UNC5D: variants seen among roughly 807,000 people sequenced by gnomAD.
The protein encoded by UNC5D is unc-5 netrin receptor D.
Under a neutral mutation model 105.4 loss-of-function variants are expected in UNC5D, and 39 were observed. The observed-to-expected ratio is 0.37, with a 90% confidence interval of 0.29 to 0.48. The LOEUF (loss-of-function observed/expected upper bound fraction) is 0.48. UNC5D is among the 20% of genes least tolerant of loss of function. The pLI, the probability that UNC5D is intolerant of heterozygous loss-of-function variation, is 0.98. For synonymous variants in UNC5D, 452 were observed against 450.4 expected, an observed-to-expected ratio of 1.00 and a Z score of -0.04; for missense variants, 991 against 1,202.4, an observed-to-expected ratio of 0.82 and a Z score of 2.60.
At chr8:35,504,144 C>T (rs551022669) in intron 1 of UNC5D, among the ~76,000 whole-genome samples, 4 of 152,168 alleles carry the variant, frequency 2.6e-5, no homozygotes, top group South Asian at 2.1e-4. Flanking sequence ...CACATACTCA[C>T]GGGGGTTTGA....
At chr8:35,719,126 A>G (rs1828422555) in intron 8 of UNC5D, among the ~76,000 whole-genome samples, 1 of 145,408 alleles carries the variant, frequency 6.9e-6, no homozygotes. Context: ...CACTGCTTAC[A>G]TGCACATGTG....
chr8:35,490,429 G>A (rs1811135385), intron 1 of UNC5D, among the ~76,000 whole-genome samples: 2 of 152,098 alleles, frequency 1.3e-5, no homozygotes, highest in Non-Finnish European at 2.9e-5. Context: ...AGCTACTTCA[G>A]AGGCTGATCA....
chr8:35,521,118 G>C (rs1374059617), intron 1 of UNC5D, among the ~76,000 whole-genome samples: 1 of 151,962 alleles, frequency 6.6e-6, no homozygotes, highest in South Asian at 2.1e-4. Flanking sequence ...ATGAGTCTTT[G>C]GTTGTACAAA....
At chr8:35,788,191 GT>G (rs1802836937) in intron 16 of UNC5D, among the ~76,000 whole-genome samples, 1 of 152,070 alleles carries the variant, frequency 6.6e-6, no homozygotes, top group African/African-American at 2.4e-5. Flanking sequence ...TGCTGTGTGT[GT>G]GTGTGTGTGT....
chr8:35,653,307 T>C (rs1823539631), intron 4 of UNC5D, among the ~76,000 whole-genome samples: 1 of 152,086 alleles, frequency 6.6e-6, no homozygotes, highest in Non-Finnish European at 1.5e-5. Context: ...TTATAGTAAA[T>C]TTCAACTATT....
At chr8:35,412,791 CA>C (rs1421742560) in intron 1 of UNC5D, among the ~76,000 whole-genome samples, 2 of 152,038 alleles carry the variant, frequency 1.3e-5, no homozygotes, top group Non-Finnish European at 2.9e-5. Context: ...GAGATGGCTC[CA>C]GTGCTCTCCT....
intron 7 of UNC5D, among the ~76,000 whole-genome samples, chr8:35,698,010 C>T (rs896197001): frequency 2.9e-4 from 44 of 152,200 alleles, no homozygotes; most frequent in African/African-American, 1.0e-3. Context: ...CCCTCCTGAG[C>T]AATTTAAGGA....
intron 15 of UNC5D, among the ~76,000 whole-genome samples, chr8:35,771,615 G>C (rs1802016071): frequency 6.6e-6 from 1 of 152,108 alleles, no homozygotes; most frequent in Non-Finnish European, 1.5e-5. Context: ...CAATATATCA[G>C]AACAGAATTG....
At chr8:35,619,891 GAGA>G (rs1821252017) in intron 4 of UNC5D, among the ~76,000 whole-genome samples, 2 of 152,192 alleles carry the variant, frequency 1.3e-5, no homozygotes, top group Non-Finnish European at 2.9e-5. Context: ...GAGATTATGA[GAGA>G]CAGTGTAGAG....
rs147748256 is a variant in UNC5D, at chr8:35,549,521, G to A, written c.322+11G>A. On this transcript the variant is annotated intron_variant, in intron 2 of 16. Transcript: ENST00000404895. ...TGGACGAGAGCTCAGGTAGGAGCGT[G>A]CAGCAGTCAGAAGCAGCTGTGGTGA... 1 of 1,608,600 alleles carries A rather than the reference G, an allele frequency of 6.2e-7. No individual in the cohort carries two copies. The highest frequency in any genetic ancestry group is 8.5e-7 in the Non-Finnish European group (1 of 1,178,096).
chr8:35,402,785 G>A (rs963812892), intron 1 of UNC5D, among the ~76,000 whole-genome samples: 1 of 152,114 alleles, frequency 6.6e-6, no homozygotes, highest in South Asian at 2.1e-4. Flanking sequence ...TTACTTCTTA[G>A]CCCCAAAAGA....
chr8:35,256,145 A>G (rs1804058578), intron 1 of UNC5D: 1 of 152,186 alleles, frequency 6.6e-6, no homozygotes, highest in Non-Finnish European at 1.5e-5. Flanking sequence ...CCTATGTAGC[A>G]CGTTGAATGT....
chr8:35,752,942 G>A (rs1378655477), intron 13 of UNC5D, among the ~76,000 whole-genome samples: 1 of 152,128 alleles, frequency 6.6e-6, no homozygotes, highest in African/African-American at 2.4e-5. Context: ...CAATTGTCTT[G>A]GAAGTCAGCC....
At chr8:35,560,240 G>A (rs1167291803) in intron 2 of UNC5D, among the ~76,000 whole-genome samples, 3 of 152,158 alleles carry the variant, frequency 2.0e-5, no homozygotes, top group Non-Finnish European at 2.9e-5. Context: ...TGGAACTTCT[G>A]CTCCCCTGTA....
chr8:35,557,356 CAA>C (rs982703536), intron 2 of UNC5D, among the ~76,000 whole-genome samples: 5 of 152,150 alleles, frequency 3.3e-5, no homozygotes, highest in African/African-American at 1.2e-4. Flanking sequence ...CCTGGGAAAA[CAA>C]AAGACTATTC....
intron 1 of UNC5D, among the ~76,000 whole-genome samples, chr8:35,318,233 C>T (rs1809451666): frequency 6.6e-6 from 1 of 151,878 alleles, no homozygotes; most frequent in Admixed American, 6.6e-5. Context: ...TATACTTTGT[C>T]AGGGATTTAG....
intron 4 of UNC5D, among the ~76,000 whole-genome samples, chr8:35,681,964 CT>C (rs986151068): frequency 2.7e-5 from 4 of 148,610 alleles, no homozygotes; most frequent in South Asian, 4.2e-4. Flanking sequence ...AAGAGACGAC[CT>C]TTTTTTGGGG....
intron 1 of UNC5D, among the ~76,000 whole-genome samples, chr8:35,269,613 C>G (rs1243814478): frequency 6.6e-6 from 1 of 152,140 alleles, no homozygotes; most frequent in Non-Finnish European, 1.5e-5. Flanking sequence ...TTGGGTTCAA[C>G]TTATTTAAAA....
chr8:35,607,996 C>T (rs1251233141), intron 4 of UNC5D, among the ~76,000 whole-genome samples: 3 of 152,226 alleles, frequency 2.0e-5, no homozygotes, highest in Non-Finnish European at 4.4e-5. Context: ...GGACACCAGC[C>T]ATTAGACTAT....
Sources: gnomAD v4.1 joint callset for allele counts (sites outside exome capture counted in the v4.1 genomes callset) on GRCh38, gnomAD v4.1.1 for gene constraint, MANE v1.5 for transcripts, NCBI Gene and HGNC (gene_info 2026-07-23, HGNC 2026-07-21) for gene names.